ZNF277: variants seen among roughly 807,000 people sequenced by gnomAD.
ZNF277 encodes the protein zinc finger protein 277.
Under a neutral mutation model 60.7 loss-of-function variants are expected in ZNF277, and 55 were observed. The observed-to-expected ratio is 0.91, with a 90% CI of 0.73 to 1.13. ZNF277 has a LOEUF of 1.13. ZNF277 is among the 50% of genes most tolerant of loss of function. The pLI is 0.00. For missense variants in ZNF277, 510 were observed against 523.0 expected, an observed-to-expected ratio of 0.98 and a Z score of 0.24; for synonymous variants, 178 against 179.3, an observed-to-expected ratio of 0.99 and a Z score of 0.06.
chr7:112,338,256 C>T (rs1793370894), intron 9 of ZNF277, among the ~76,000 whole-genome samples: 1 of 152,108 alleles, frequency 6.6e-6, no homozygotes, highest in South Asian at 2.1e-4. Context: ...CCTTCAGGTG[C>T]CAGGATTTAG....
chr7:112,292,615 T>A (rs1792234874), intron 2 of ZNF277, among the ~76,000 whole-genome samples: 1 of 152,198 alleles, frequency 6.6e-6, no homozygotes, highest in African/African-American at 2.4e-5. Context: ...TTGTACCGAT[T>A]CGTCCCCACA....
intron 1 of ZNF277, among the ~76,000 whole-genome samples, chr7:112,231,478 G>C (rs978843797): frequency 2.6e-5 from 4 of 152,100 alleles, no homozygotes. Flanking sequence ...CCACTGGAGT[G>C]CTTTTTCATG....
chr7:112,220,815 GGAAA>G (rs1361973888), intron 1 of ZNF277, among the ~76,000 whole-genome samples: 2 of 152,266 alleles, frequency 1.3e-5, no homozygotes, highest in African/African-American at 4.8e-5. Context: ...AAAACAGGAG[GGAAA>G]GAAATAGCCA....
In ZNF277 at chr7:112,342,547, G is replaced by T; in HGVS notation, c.1185-14G>T. On this transcript the variant is annotated splice_polypyrimidine_tract_variant and intron_variant, in intron 11 of 11. Transcript: ENST00000361822. ...CTTGGTAATTTAATACTATGTATCT[G>T]TGGTTGTTTTCAGGTATTATTTTCC... 6.3e-7 allele frequency: 1 copy of T among 1,596,348 alleles called. No individual in the cohort carries two copies. Among genetic ancestry groups the T allele is most frequent in the Admixed American group, 1.7e-5 (1 of 58,090 alleles).
At chr7:112,339,950 T>TG in intron 10 of ZNF277, 65 bp downstream of exon 10, 1 of 1,460,584 alleles carries the variant, frequency 6.8e-7, no homozygotes, top group Non-Finnish European at 9.5e-7. Context: ...CTGTAAGCTA[T>TG]GCCTATGTTC....
intron 9 of ZNF277, among the ~76,000 whole-genome samples, chr7:112,338,651 G>C (rs1793379638): frequency 6.6e-6 from 1 of 152,128 alleles, no homozygotes; most frequent in South Asian, 2.1e-4. Context: ...GGCCTAGAAA[G>C]CGCTCAAAAG....
At chr7:112,213,477 TATA>T (rs1187229632) in intron 1 of ZNF277, among the ~76,000 whole-genome samples, 1 of 152,196 alleles carries the variant, frequency 6.6e-6, no homozygotes, top group African/African-American at 2.4e-5. Context: ...TTAAAAGGGA[TATA>T]ATAATGATGA....
chr7:112,244,467 G>A lies in ZNF277; in HGVS notation c.91+37660G>A, dbSNP rs567912725. ...TTGAGGTTTTAAGCACAATTTTTTG[G>A]TTATAATTTAAATCGCATATACTTA... On this transcript the variant is annotated intron_variant, in intron 1 of 11. Transcript: ENST00000361822. Among the ~76,000 whole-genome samples, 5 of 152,002 alleles carry A rather than the reference G, an allele frequency of 3.3e-5. No homozygotes were observed. The East Asian group carries it at 7.7e-4, about 24-fold the overall frequency.
intron 1 of ZNF277, among the ~76,000 whole-genome samples, chr7:112,257,091 A>T (rs1309530895): frequency 1.3e-5 from 2 of 152,232 alleles, no homozygotes; most frequent in African/African-American, 4.8e-5. Flanking sequence ...CAATGGGATT[A>T]CACACTTCAC....
At chr7:112,236,526 T>C (rs1790789129) in intron 1 of ZNF277, among the ~76,000 whole-genome samples, 2 of 152,034 alleles carry the variant, frequency 1.3e-5, no homozygotes, top group South Asian at 2.1e-4. Context: ...TAGTTGAACA[T>C]GTAAGTGTAG....
chr7:112,266,265 G>T (rs1371696103), intron 1 of ZNF277, among the ~76,000 whole-genome samples: 1 of 151,986 alleles, frequency 6.6e-6, no homozygotes, highest in Non-Finnish European at 1.5e-5. Context: ...TGCTGCCTCA[G>T]CCTCCTTAGT....
intron 8 of ZNF277, 21 bp from the exon 9 acceptor site, chr7:112,337,709 C>G (rs1212050854): frequency 6.2e-7 from 1 of 1,601,396 alleles, no homozygotes; most frequent in Non-Finnish European, 8.5e-7. Context: ...TCCGTATTTT[C>G]TCTCCTCTTT....
chr7:112,316,118 GTAGA>G (rs1325463736), intron 4 of ZNF277, among the ~76,000 whole-genome samples: 1 of 152,178 alleles, frequency 6.6e-6, no homozygotes, highest in Non-Finnish European at 1.5e-5. Flanking sequence ...CAGGGAGTCA[GTAGA>G]TAGTTTCATG....
At chr7:112,208,057 G>A (rs531083355) in intron 1 of ZNF277, among the ~76,000 whole-genome samples, 3 of 152,140 alleles carry the variant, frequency 2.0e-5, no homozygotes, top group Non-Finnish European at 4.4e-5. Flanking sequence ...GATCTAAACT[G>A]GTGAATTTAT....
At chr7:112,255,029 A>G (rs1323124506) in intron 1 of ZNF277, among the ~76,000 whole-genome samples, 1 of 152,162 alleles carries the variant, frequency 6.6e-6, no homozygotes. Flanking sequence ...TTTACTCTAT[A>G]GTAGTAGGTA....
chr7:112,228,668 C>A (rs991759205), intron 1 of ZNF277, among the ~76,000 whole-genome samples: 3 of 151,842 alleles, frequency 2.0e-5, no homozygotes, highest in African/African-American at 7.3e-5. Context: ...TTTTTACTAT[C>A]TTTTTATTGT....
chr7:112,321,111 T>C (rs1792972465), intron 5 of ZNF277, among the ~76,000 whole-genome samples: 2 of 151,570 alleles, frequency 1.3e-5, no homozygotes, highest in African/African-American at 2.4e-5. Flanking sequence ...TTAGTAGAGA[T>C]GGGGTTTCAT....
chr7:112,320,241 G>T (rs527454920), intron 5 of ZNF277, among the ~76,000 whole-genome samples: 1 of 152,080 alleles, frequency 6.6e-6, no homozygotes, highest in Non-Finnish European at 1.5e-5. Context: ...TCTGCATTCT[G>T]TATTGAGTAG....
At chr7:112,258,896 A>C (rs1791382735) in intron 1 of ZNF277, among the ~76,000 whole-genome samples, 2 of 151,954 alleles carry the variant, frequency 1.3e-5, no homozygotes, top group African/African-American at 2.4e-5. Flanking sequence ...TTAAAAAAAA[A>C]CAAAACATAT....
Sources: allele counts gnomAD v4.1 joint callset (sites outside exome capture counted in the v4.1 genomes callset), GRCh38; gene constraint gnomAD v4.1.1; transcripts MANE v1.5; gene names NCBI Gene and HGNC (gene_info 2026-07-23, HGNC 2026-07-21).